ZRANB3: variants seen among roughly 807,000 people sequenced by gnomAD.
ZRANB3 encodes the protein DNA annealing helicase and endonuclease ZRANB3.
Under a neutral mutation model 133.8 loss-of-function variants are expected in ZRANB3, and 125 were observed. The ratio of observed to expected loss-of-function variants is 0.93; its 90% CI spans 0.81 to 1.08. ZRANB3 has a LOEUF of 1.08. Among genes scored for constraint, ZRANB3 ranks in the 50% least tolerant of loss-of-function variants. The pLI is 0.00. For synonymous variants in ZRANB3, 387 were observed against 432.7 expected, an observed-to-expected ratio of 0.89 and a Z score of 1.31; for missense variants, 1,229 against 1,275.5, an observed-to-expected ratio of 0.96 and a Z score of 0.56.
chr2:135,317,385 G>A (rs1683313027), intron 6 of ZRANB3, among the ~76,000 whole-genome samples: 1 of 152,206 alleles, frequency 6.6e-6, no homozygotes, highest in African/African-American at 2.4e-5. Flanking sequence ...ATATTGGGAA[G>A]AAGTTGGTAG....
At chr2:135,263,935 C>A (rs1680093853) in intron 12 of ZRANB3, among the ~76,000 whole-genome samples, 1 of 151,462 alleles carries the variant, frequency 6.6e-6, no homozygotes, top group East Asian at 2.0e-4. Flanking sequence ...GCCATGACGC[C>A]CGGCTAATTT....
chr2:135,525,550 A>G (rs1222212363), intron 1 of ZRANB3, among the ~76,000 whole-genome samples: 1 of 152,178 alleles, frequency 6.6e-6, no homozygotes, highest in Non-Finnish European at 1.5e-5. Flanking sequence ...ATCCGAAAGA[A>G]CTGAAAACAG....
chr2:135,497,719 TG>T (rs1315416460), intron 2 of ZRANB3, among the ~76,000 whole-genome samples: 2 of 152,198 alleles, frequency 1.3e-5, no homozygotes, highest in Non-Finnish European at 2.9e-5. Flanking sequence ...TAAATTGTGC[TG>T]GATCAAGTAG....
At chr2:135,265,775 A>T in intron 11 of ZRANB3, 89 bp from the exon 12 acceptor site, 2 of 1,339,446 alleles carry the variant, frequency 1.5e-6, no homozygotes, top group Non-Finnish European at 2.0e-6. Context: ...TTAAATCATA[A>T]GCTACCCACT....
chr2:135,448,726 A>T (rs1690137169), intron 2 of ZRANB3, among the ~76,000 whole-genome samples: 1 of 152,242 alleles, frequency 6.6e-6, no homozygotes, highest in Non-Finnish European at 1.5e-5. Flanking sequence ...GGCCACAGGT[A>T]CTTCAGATAT....
At chr2:135,402,732 C>T (rs767776796) in intron 2 of ZRANB3, among the ~76,000 whole-genome samples, 3 of 152,028 alleles carry the variant, frequency 2.0e-5, no homozygotes, top group African/African-American at 2.4e-5. Context: ...ATTACAGGTG[C>T]GGGCCACCAC....
In ZRANB3 at chr2:135,242,747, G is replaced by T. The variant is rs188899485; in HGVS notation, c.1540-11820C>A. Among the ~76,000 whole-genome samples, 817 of 151,820 alleles carry T rather than the reference G, an allele frequency of 5.4e-3. 5 individuals carry two copies. Among genetic ancestry groups the T allele is most frequent in the Non-Finnish European group, 9.4e-3 (639 of 67,932 alleles). On this transcript the variant is annotated intron_variant, in intron 12 of 20. Transcript: ENST00000264159. ...TTTTCTTCACTTTTCCTATATCTTT[G>T]TTCTACTTCTGGGTAATTTCTTCAT...
chr2:135,216,132 C>T (rs886998734), intron 17 of ZRANB3, among the ~76,000 whole-genome samples: 3 of 151,056 alleles, frequency 2.0e-5, no homozygotes, highest in Non-Finnish European at 4.4e-5. Context: ...CAATTTATCA[C>T]AAGTATTATT....
chr2:135,232,978 G>C (rs762861504), intron 12 of ZRANB3, among the ~76,000 whole-genome samples: 2 of 152,092 alleles, frequency 1.3e-5, no homozygotes. Context: ...GAAGGCTTCC[G>C]ACAATCAAAC....
intron 2 of ZRANB3, among the ~76,000 whole-genome samples, chr2:135,476,716 T>G (rs1218240493): frequency 6.6e-6 from 1 of 150,992 alleles, no homozygotes; most frequent in South Asian, 2.1e-4. Flanking sequence ...TTTCTTTTCT[T>G]TTTTTCACAC....
chr2:135,383,720 A>G (rs1686831096), intron 3 of ZRANB3, among the ~76,000 whole-genome samples: 1 of 152,204 alleles, frequency 6.6e-6, no homozygotes, highest in South Asian at 2.1e-4. Context: ...CTACGTGGAA[A>G]CTGAACAACC....
At chr2:135,396,839 A>G (rs747178218) in intron 2 of ZRANB3, among the ~76,000 whole-genome samples, 2 of 152,212 alleles carry the variant, frequency 1.3e-5, no homozygotes, top group Non-Finnish European at 2.9e-5. Flanking sequence ...AACATAATGA[A>G]TAAATGCTTG....
intron 1 of ZRANB3, among the ~76,000 whole-genome samples, chr2:135,525,005 T>C (rs1251262231): frequency 6.6e-6 from 1 of 152,028 alleles, no homozygotes; most frequent in African/African-American, 2.4e-5. Flanking sequence ...ACAAATAAAT[T>C]AGAAGCTATA....
intron 3 of ZRANB3, among the ~76,000 whole-genome samples, chr2:135,357,718 A>G (rs1007759645): frequency 6.6e-6 from 1 of 152,222 alleles, no homozygotes. Flanking sequence ...AGCCAAAAAA[A>G]TAAGTTATTT....
chr2:135,379,352 C>T (rs1469869020), intron 3 of ZRANB3, among the ~76,000 whole-genome samples: 1 of 152,098 alleles, frequency 6.6e-6, no homozygotes, highest in African/African-American at 2.4e-5. Flanking sequence ...CCTTTGAGCC[C>T]TATGTCTTCC....
chr2:135,435,891 T>C (rs1193509261), intron 2 of ZRANB3, among the ~76,000 whole-genome samples: 3 of 152,250 alleles, frequency 2.0e-5, no homozygotes, highest in Non-Finnish European at 4.4e-5. Context: ...TATTAGGCCT[T>C]TGTGAGATGC....
chr2:135,495,872 A>G (rs1262424125), intron 2 of ZRANB3, among the ~76,000 whole-genome samples: 1 of 152,168 alleles, frequency 6.6e-6, no homozygotes, highest in Non-Finnish European at 1.5e-5. Context: ...CATATATTTT[A>G]TTAAATTAAA....
intron 2 of ZRANB3, among the ~76,000 whole-genome samples, chr2:135,391,650 G>A (rs1048941496): frequency 6.1e-5 from 9 of 148,704 alleles, no homozygotes; most frequent in African/African-American, 1.5e-4. Flanking sequence ...TGCGATCTCC[G>A]CTCACTGCAA....
intron 2 of ZRANB3, among the ~76,000 whole-genome samples, chr2:135,444,958 G>A (rs1278210911): frequency 1.3e-5 from 2 of 152,164 alleles, no homozygotes; most frequent in African/African-American, 4.8e-5. Context: ...GGGAGTATTA[G>A]TAGCCTCCGT....
Sources: gnomAD v4.1 joint callset for allele counts (sites outside exome capture counted in the v4.1 genomes callset) on GRCh38, gnomAD v4.1.1 for gene constraint, MANE v1.5 for transcripts, NCBI Gene and HGNC (gene_info 2026-07-23, HGNC 2026-07-21) for gene names.